Variants in TET3 observed in about 807,000 individuals in gnomAD.
TET3 encodes methylcytosine dioxygenase TET3.
Under a neutral mutation model 141.4 loss-of-function variants are expected in TET3, and 19 were observed. The ratio of observed to expected loss-of-function variants is 0.13; its 90% confidence interval spans 0.09 to 0.20. TET3 has a LOEUF of 0.20. Among genes scored for constraint, TET3 ranks in the 10% least tolerant of loss-of-function variants. The pLI is 1.00. For synonymous variants in TET3, 1,043 were observed against 980.9 expected (o/e 1.06, Z -1.18); for missense variants, 1,874 against 2,356.9 (o/e 0.80, Z 4.24).
At chr2:74,108,339 A>AAAGG (rs1285045227), downstream of TET3, among the ~76,000 whole-genome samples, 1 of 152,230 alleles carries the variant, frequency 6.6e-6, no homozygotes, top group Non-Finnish European at 1.5e-5. Flanking sequence ...CCACCTGGAT[A>AAAGG]AAGGAATGTT....
chr2:74,100,334 G>A, intron 11 of TET3, 59 bp from the exon 12 acceptor site: 1 of 1,517,654 alleles, frequency 6.6e-7, no homozygotes. Context: ...CCCGACCCAG[G>A]GCCTCTCCAG....
the TET3 span, among the ~76,000 whole-genome samples, chr2:74,119,922 T>C: frequency 2.6e-5 from 4 of 152,352 alleles, no homozygotes; most frequent in Admixed American, 2.6e-4. Flanking sequence ...CTTGTCAAAT[T>C]ATACAAAATT....
rs373256645 is a variant in TET3, at chr2:74,047,257, G to A, written c.1340G>A (p.Arg447Gln). The change falls in exon 4 of 12, where the codon CGG becomes CAG. Residue 447 changes from arginine (R) to glutamine (Q), a missense_variant. Physicochemically the swap from Arg to Gln is conservative, Grantham distance 43. Around this residue, in one of 10 missense-constraint regions of TET3, gnomAD observed 484 missense variants for 462.2 expected, o/e 1.05. Transcript: ENST00000409262. ...ACTGACACCCCTCCAGCAACGCCCCGGAGCTCCTGGCCCATGCCTCGCCCA... is the reference window on the plus strand; with the variant it reads ...ACTGACACCCCTCCAGCAACGCCCCAGAGCTCCTGGCCCATGCCTCGCCCA... Reference protein sequence around the residue: ...WGTDTPPATPRSSWPMPRPSP... With the variant: ...WGTDTPPATPQSSWPMPRPSP... The A allele has an allele frequency of 6.8e-6, 11 of 1,613,866 alleles. No individual in the cohort carries two copies. Among genetic ancestry groups the A allele is most frequent in the South Asian group, 3.3e-5 (3 of 91,088 alleles).
At chr2:74,122,511 A>ATATATTTTTTT in the TET3 span, 1 of 47,556 alleles carries the variant, frequency 2.1e-5, no homozygotes, top group Non-Finnish European at 3.8e-5. Flanking sequence ...ATATATATAT[A>ATATATTTTTTT]TTTTTTTTTT....
At chr2:74,100,364 C>T (rs1691115793) in intron 11 of TET3, 29 bp from the exon 12 acceptor site, 1 of 1,549,030 alleles carries the variant, frequency 6.5e-7, no homozygotes, top group Non-Finnish European at 8.7e-7. Flanking sequence ...TTGTCTGCCC[C>T]TCTGCCATCT....
Position 74,103,672 on chromosome 2 carries a change from C to T in TET3, c.*1496C>T, listed in dbSNP as rs1044131639. On this transcript the variant is annotated 3_prime_UTR_variant, in exon 12 of 12. Coordinates refer to ENST00000409262, the MANE Select transcript of TET3 (RefSeq NM_001287491.2). ...TGGTGCTTAATTTTTGTGACGTTGTCGAGAGAGGTTGGGCCTGATGGGAGC... is the reference window on the plus strand; with the variant it reads ...TGGTGCTTAATTTTTGTGACGTTGTTGAGAGAGGTTGGGCCTGATGGGAGC... 1.3e-5 allele frequency: 2 copies of T among 152,902 alleles called. No individual in the cohort carries two copies. The highest frequency in any genetic ancestry group is 2.4e-5 in the African/African-American group (1 of 41,368). 9.5% of individuals were successfully genotyped at this position (152,902 alleles called of 1,614,324 possible). A position where few individuals can be genotyped will look rare whatever the true frequency, so the allele number is the denominator to read the frequency against.
In TET3 at chr2:74,101,545, T is replaced by G; in HGVS notation, c.4757T>G (p.Leu1586Arg). ...GCCTGGCAGTCCTTTGGTCTGCCCCTGGGATCCAGCGAGAAGCTGTTTGGG... is the reference window on the plus strand; with the variant it reads ...GCCTGGCAGTCCTTTGGTCTGCCCCGGGGATCCAGCGAGAAGCTGTTTGGG... ...DRAWQSFGLP[L>R]GSSEKLFGAL... The change falls in exon 12 of 12, where the codon CTG becomes CGG. Residue 1586 changes from leucine to arginine, a missense_variant. Physicochemically the swap from Leu to Arg is moderately radical, Grantham distance 102. Transcript: ENST00000409262. The surrounding 1 kb of genome is among the most constrained non-coding windows in gnomAD (Gnocchi z 8.5). The G allele has an allele frequency of 6.2e-7, 1 of 1,609,976 alleles. No individual in the cohort carries two copies. Among genetic ancestry groups the G allele is most frequent in the Non-Finnish European group, 8.5e-7 (1 of 1,178,050 alleles).
intron 6 of TET3, among the ~76,000 whole-genome samples, chr2:74,085,964 AG>A (rs1424912318): frequency 6.6e-6 from 1 of 152,210 alleles, no homozygotes; most frequent in Non-Finnish European, 1.5e-5. Context: ...TGCCATAGTT[AG>A]GACTTTATTC....
chr2:74,033,810 A>G (rs776914228), intron 3 of TET3, among the ~76,000 whole-genome samples: 32 of 152,366 alleles, frequency 2.1e-4, no homozygotes, highest in Middle Eastern at 3.4e-3. Context: ...GATTTGCCCA[A>G]TGTGGCTGGG....
chr2:74,079,655 T>C (rs566434012), intron 5 of TET3, among the ~76,000 whole-genome samples: 5 of 152,326 alleles, frequency 3.3e-5, no homozygotes, highest in African/African-American at 1.2e-4. Flanking sequence ...CATTTTAATC[T>C]CCATTTTACA....
chr2:74,002,876 T>C, intron 2 of TET3: 1 of 540,984 alleles, frequency 1.8e-6, no homozygotes, highest in Non-Finnish European at 3.3e-6. Context: ...CTCGGGGGGA[T>C]TCTCAGAGGA....
chr2:74,021,724 A>G (rs1457990034), intron 3 of TET3, among the ~76,000 whole-genome samples: 1 of 152,170 alleles, frequency 6.6e-6, no homozygotes, highest in African/African-American at 2.4e-5. Flanking sequence ...CCAGCTTCCT[A>G]CAGGTGATTC....
chr2:74,002,846 G>A (rs575151399), intron 2 of TET3: 56 of 572,234 alleles, frequency 9.8e-5, no homozygotes, highest in African/African-American at 9.7e-4. Context: ...CGCGGGCCGG[G>A]GGTCGCCGTC....
intron 3 of TET3, 112 bp downstream of exon 3, chr2:74,003,278 T>C: frequency 7.2e-7 from 1 of 1,382,180 alleles, no homozygotes; most frequent in Non-Finnish European, 9.9e-7. Flanking sequence ...AATCTCCCAC[T>C]GTGTGTGTAG....
chr2:74,065,369 A>C (rs1688823730), intron 4 of TET3, among the ~76,000 whole-genome samples: 2 of 152,196 alleles, frequency 1.3e-5, no homozygotes, highest in African/African-American at 4.8e-5. Flanking sequence ...AGATTGTCCC[A>C]AATTTGGCCA....
At chr2:74,071,321 A>G (rs893543218) in intron 4 of TET3, among the ~76,000 whole-genome samples, 3 of 152,226 alleles carry the variant, frequency 2.0e-5, no homozygotes, top group African/African-American at 7.2e-5. Context: ...CCTTCAGTCC[A>G]CAGCAGGCTG....
downstream of TET3, chr2:74,108,266 T>C (rs964064759): frequency 6.5e-6 from 1 of 153,790 alleles, no homozygotes; most frequent in South Asian, 2.1e-4. Context: ...CCACCGTATG[T>C]TGTAGATGTA....
At chr2:74,089,295 G>A (rs903666876) in intron 7 of TET3, among the ~76,000 whole-genome samples, 3 of 152,016 alleles carry the variant, frequency 2.0e-5, no homozygotes, top group Non-Finnish European at 2.9e-5. Context: ...TGAACATAGT[G>A]TTTTCAGTGT....
At chr2:74,061,975 A>G (rs1373361392) in intron 4 of TET3, among the ~76,000 whole-genome samples, 4 of 144,226 alleles carry the variant, frequency 2.8e-5, no homozygotes, top group Admixed American at 6.9e-5. Context: ...CGTCCCAGAC[A>G]ATGGGCGACC....
Sources: gnomAD v4.1 joint callset for allele counts (sites outside exome capture counted in the v4.1 genomes callset) on GRCh38, gnomAD v4.1.1 for gene constraint, gnomAD v4.1.1 regional missense constraint, Gnocchi (gnomAD v3.1) non-coding constraint, MANE v1.5 for transcripts, NCBI Gene and HGNC (gene_info 2026-07-23, HGNC 2026-07-21) for gene names.